MUC12: variants seen among roughly 807,000 people sequenced by gnomAD.
MUC12 encodes the protein mucin 12, cell surface associated.
In MUC12, 172 loss-of-function variants were observed where a neutral mutation model predicts 230.8. The ratio of observed to expected loss-of-function variants is 0.75; its 90% CI spans 0.66 to 0.85. MUC12 has a LOEUF of 0.85. Among genes scored for constraint, MUC12 ranks in the 40% least tolerant of loss-of-function variants. MUC12 has a pLI of 0.00. For synonymous variants in MUC12, 1,259 were observed against 2,401.9 expected (o/e 0.52, Z 13.91); for missense variants, 3,506 against 5,920.6 (o/e 0.59, Z 13.38).
rs1231764413 is a variant in MUC12, at chr7:101,017,451, G to GCAGTGGGAAAGGGC, written c.15878-123_15878-110dup. 9.7e-5 allele frequency: 63 copies of GCAGTGGGAAAGGGC among 646,590 alleles called. No individual in the cohort carries two copies. The African/African-American group carries it at 1.0e-3, about 10-fold the overall frequency. The allele number at this position is 646,590 out of a possible 1,614,324, so 40.1% of individuals were successfully genotyped here. On this transcript the variant is annotated intron_variant, in intron 10 of 11. Coordinates refer to ENST00000536621, the MANE Select transcript of MUC12 (RefSeq NM_001164462.2). ...TGATGCAGGGTCGGAGGGGTGGTCG[G>GCAGTGGGAAAGGGC]CAGTGGGAAAGGGCGTAGGGCAGAT... is the stretch of plus-strand genomic sequence containing the variant.
In MUC12 at chr7:100,991,799, C is replaced by G; in HGVS notation, c.1236C>G (p.Tyr412Ter). Reference protein sequence around the residue: ...STTAALAHTSYHSSLGSTETT... With the variant: ...STTAALAHTS ...CAGCTGCCCTAGCACATACAAGCTACCACAGCAGCCTGGGCTCAACTGAAA... is the reference window on the plus strand; with the variant it reads ...CAGCTGCCCTAGCACATACAAGCTAGCACAGCAGCCTGGGCTCAACTGAAA... Residue 412 changes from tyrosine to a stop codon, truncating the protein, a stop_gained, in exon 2 of 12, where the codon TAC (tyrosine) becomes TAG (stop). Transcript: ENST00000536621. LOFTEE classifies it high-confidence loss of function. 1 of 1,537,978 alleles carries G rather than the reference C, an allele frequency of 6.5e-7. No individual in the cohort carries two copies. The highest frequency in any genetic ancestry group is 8.7e-7 in the Non-Finnish European group (1 of 1,147,072).
chr7:101,012,821 G>A lies in MUC12; in HGVS notation c.15406G>A (p.Ala5136Thr), dbSNP rs1793857307. The change falls in exon 7 of 12, where the codon GCC (alanine) becomes ACC (threonine). Residue 5136 changes from alanine to threonine, a missense_variant and splice_region_variant. Transcript: ENST00000536621. Reference protein sequence around the residue: ...TLLDPDSCRKAILCYSEEDTF... With the variant: ...TLLDPDSCRKTILCYSEEDTF... ...TCCTTCCCATCCACTCTCGGCAGAG[G>A]CCATACTGTGCTATAGTGAAGAGGA... The A allele has an allele frequency of 1.3e-6, 2 of 1,537,254 alleles. No homozygotes were observed. Among genetic ancestry groups the A allele is most frequent in the Non-Finnish European group, 1.7e-6 (2 of 1,146,908 alleles).
At position 101,004,473 on chromosome 7, in the gene MUC12, C is replaced by T; in HGVS notation, c.13910C>T (p.Thr4637Ile). Reference sequence around the variant, plus strand: ...GAATCAAGAACTTCCCACAGCAGCACAACACACACAATATCTTCACCTCCT... The same window carrying T: ...GAATCAAGAACTTCCCACAGCAGCATAACACACACAATATCTTCACCTCCT... ...SEESRTSHSS[T>I]THTISSPPST... The change falls in exon 2 of 12, where the codon ACA becomes ATA. Residue 4637 changes from threonine (T) to isoleucine (I), a missense_variant. Thr to Ile is a moderately conservative substitution (Grantham distance 89, BLOSUM62 -1). Coordinates refer to ENST00000536621, the MANE Select transcript of MUC12 (RefSeq NM_001164462.2). The T allele has an allele frequency of 2.6e-6, 4 of 1,531,298 alleles. No individual in the cohort carries two copies. Among genetic ancestry groups the T allele is most frequent in the Non-Finnish European group, 3.5e-6 (4 of 1,145,456 alleles). The allele number at this position is 1,531,298 out of a possible 1,614,324, so 94.9% of individuals were successfully genotyped here.
intron 1 of MUC12, among the ~76,000 whole-genome samples, chr7:100,971,285 G>T (rs112909775): frequency 6.6e-6 from 1 of 151,858 alleles, no homozygotes; most frequent in African/African-American, 2.4e-5. Flanking sequence ...ACTCTGACCC[G>T]CTGATTTCCC....
At chr7:100,972,067 G>C (rs1792913248) in intron 1 of MUC12, 1 of 702,620 alleles carries the variant, frequency 1.4e-6, no homozygotes, top group African/African-American at 1.7e-5. Flanking sequence ...CACTCCGGAG[G>C]GCTCCGGAAG....
At chr7:100,982,199 T>A (rs1793119472) in intron 1 of MUC12, among the ~76,000 whole-genome samples, 2 of 151,980 alleles carry the variant, frequency 1.3e-5, no homozygotes, top group Admixed American at 1.3e-4. Context: ...ACAGTTGGGA[T>A]CATGGCTTTT....
Position 101,013,862 on chromosome 7 carries a change from T to C in MUC12, c.15639-51T>C, listed in dbSNP as rs144780582. Reference sequence around the variant, plus strand: ...GGAGAGTGGGTTAACCCTTGGGATATTGGATGTGAGGGATCCCAGGGGATC... The same window carrying C: ...GGAGAGTGGGTTAACCCTTGGGATACTGGATGTGAGGGATCCCAGGGGATC... On this transcript the variant is annotated intron_variant, in intron 8 of 11. Transcript: ENST00000536621. The C allele has an allele frequency of 1.8e-4, 268 of 1,492,484 alleles. 1 individual carries two copies. In the African/African-American group the frequency reaches 3.1e-3, roughly 17 times the overall value. 92.5% of individuals were successfully genotyped at this position (1,492,484 alleles called of 1,614,324 possible).
chr7:100,970,434 G>A lies in MUC12; in HGVS notation c.67+745G>A, dbSNP rs527488135. Among the ~76,000 whole-genome samples, 14 of 150,426 alleles carry A rather than the reference G, an allele frequency of 9.3e-5. No individual in the cohort carries two copies. The South Asian group carries it at 2.5e-3, about 27-fold the overall frequency. The stretch of plus-strand genomic sequence containing the variant: ...CCTGGTAGGTGGAGTTTGCAGTGAG[G>A]CAAGATTGTGGCACTGCACTCCAGC... On this transcript the variant is annotated intron_variant, in intron 1 of 11. Transcript: ENST00000536621.
chr7:101,005,900 C>T (rs779132968), intron 2 of MUC12, among the ~76,000 whole-genome samples: 3 of 151,784 alleles, frequency 2.0e-5, no homozygotes, highest in Non-Finnish European at 2.9e-5. Context: ...TGGGCTCAAG[C>T]GATTCTCCTA....
In MUC12 at chr7:100,991,365, T is replaced by G. The variant is rs767714329; in HGVS notation, c.802T>G (p.Ser268Ala). Residue 268 changes from serine (S) to alanine (A), a missense_variant, in exon 2 of 12, where the codon TCT becomes GCT. Transcript: ENST00000536621. ...ACACACAACACTGTCCCCTTCCAGC[T>G]CTACAACCCATGAGGGAGAACCTAC... is the stretch of plus-strand genomic sequence containing the variant. ...SPHTTLSPSS[S>A]TTHEGEPTTF... 1.1e-5 allele frequency: 17 copies of G among 1,537,618 alleles called. No homozygotes were observed. Among genetic ancestry groups the G allele is most frequent in the Admixed American group, 3.9e-5 (2 of 50,964 alleles).
chr7:100,977,818 T>C (rs1369658340), intron 1 of MUC12, among the ~76,000 whole-genome samples: 3 of 152,136 alleles, frequency 2.0e-5, no homozygotes, highest in Non-Finnish European at 4.4e-5. Flanking sequence ...TCCACTGGCC[T>C]CGGCCTCTCA....
intron 1 of MUC12, among the ~76,000 whole-genome samples, chr7:100,974,491 CT>C (rs11307070): frequency 0.097 from 14,376 of 148,886 alleles, 654 homozygotes; most frequent in Admixed American, 0.24. Flanking sequence ...TAATTCTTTC[CT>C]CTACTGTGTC....
chr7:100,970,438 G>C (rs1432667842), intron 1 of MUC12, among the ~76,000 whole-genome samples: 1 of 149,960 alleles, frequency 6.7e-6, no homozygotes, highest in Non-Finnish European at 1.5e-5. Context: ...AGTGAGGCAA[G>C]ATTGTGGCAC....
chr7:100,992,155 C>T lies in MUC12; in HGVS notation c.1592C>T (p.Thr531Ile). 6 of 1,537,938 alleles carry T rather than the reference C, an allele frequency of 3.9e-6. No individual in the cohort carries two copies. The highest frequency in any genetic ancestry group is 5.2e-6 in the Non-Finnish European group (6 of 1,147,056). Residue 531 changes from threonine (T) to isoleucine (I), a missense_variant, in exon 2 of 12, where the codon ACA becomes ATA. Thr to Ile is a moderately conservative substitution (Grantham distance 89). Transcript: ENST00000536621. ...ACCTCCCACAGCCGACCAGGCTCAA[C>T]ACACACAACAGCATTCCCTGGCAGT... ...STTSHSRPGS[T>I]HTTAFPGSTT...
chr7:100,977,461 G>A (rs905557984), intron 1 of MUC12, among the ~76,000 whole-genome samples: 1 of 151,636 alleles, frequency 6.6e-6, no homozygotes, highest in African/African-American at 2.4e-5. Flanking sequence ...CTGCCTCCCG[G>A]TTCAAGCAAT....
chr7:100,987,324 C>T (rs1793207035), intron 1 of MUC12, among the ~76,000 whole-genome samples: 1 of 152,152 alleles, frequency 6.6e-6, no homozygotes, highest in African/African-American at 2.4e-5. Context: ...GCCTCAGCCT[C>T]CCAAAGTGCT....
chr7:100,992,082 C>A lies in MUC12; in HGVS notation c.1519C>A (p.His507Asn), dbSNP rs534288995. ...TAGCCCCAGATCACCAGACACAACACACTTACCTGCCAGCATGACAAGCTC... is the reference window on the plus strand; with the variant it reads ...TAGCCCCAGATCACCAGACACAACAAACTTACCTGCCAGCATGACAAGCTC... ...YSSPRSPDTT[H>N]LPASMTSSGV... The change falls in exon 2 of 12, where the codon CAC becomes AAC. Residue 507 changes from histidine (H) to asparagine (N), a missense_variant. By Grantham distance (68) the His-to-Asn change is moderately conservative (BLOSUM62 1). Coordinates refer to ENST00000536621, the MANE Select transcript of MUC12 (RefSeq NM_001164462.2). 1.2e-5 allele frequency: 18 copies of A among 1,537,256 alleles called. No individual in the cohort carries two copies. Among genetic ancestry groups the A allele is most frequent in the African/African-American group, 1.4e-5 (1 of 73,156 alleles).
At chr7:101,006,412 T>C in intron 2 of MUC12, 59 bp from the exon 3 acceptor site, 1 of 1,116,368 alleles carries the variant, frequency 9.0e-7, no homozygotes, top group Non-Finnish European at 1.3e-6. Flanking sequence ...GGAATGGGAG[T>C]GCGTGTTTTT....
chr7:101,005,232 C>G lies in MUC12; in HGVS notation c.14669C>G (p.Thr4890Arg), dbSNP rs1197345167. The change falls in exon 2 of 12, where the codon ACA becomes AGA. Residue 4890 changes from threonine (T) to arginine (R), a missense_variant. Physicochemically the swap from Thr to Arg is moderately conservative, Grantham distance 71. Transcript: ENST00000536621. Reference protein sequence around the residue: ...PFPDSPGFTHTVLPATLTTTD... With the variant: ...PFPDSPGFTHRVLPATLTTTD... ...CCTGACAGCCCAGGCTTCACTCACA[C>G]AGTGTTACCTGCCACCCTCACAACC... is the stretch of plus-strand genomic sequence containing the variant. The G allele has an allele frequency of 2.0e-6, 3 of 1,537,756 alleles. No homozygotes were observed. Among genetic ancestry groups the G allele is most frequent in the Non-Finnish European group, 2.6e-6 (3 of 1,147,054 alleles).
Sources: gnomAD v4.1 joint callset for allele counts (sites outside exome capture counted in the v4.1 genomes callset) on GRCh38, gnomAD v4.1.1 for gene constraint, MANE v1.5 for transcripts, NCBI Gene and HGNC (gene_info 2026-07-23, HGNC 2026-07-21) for gene names.